Variants in PDZD2 observed in about 807,000 individuals in gnomAD.
PDZD2 encodes PDZ domain-containing protein 2.
PDZD2 carries 90 observed loss-of-function variants against 220.7 expected under a neutral mutation model. The observed-to-expected ratio is 0.41, with a 90% CI of 0.34 to 0.49. The LOEUF (loss-of-function observed/expected upper bound fraction) is 0.49. Among genes scored for constraint, PDZD2 ranks in the 20% least tolerant of loss-of-function variants. The probability of loss-of-function intolerance (pLI) is 0.28; values close to 1 mark genes in which losing one functional copy is unlikely to be tolerated. For missense variants in PDZD2, 3,174 were observed against 3,608.5 expected (o/e 0.88, Z 3.08); for synonymous variants, 1,375 against 1,450.5 (o/e 0.95, Z 1.18).
intron 2 of PDZD2, among the ~76,000 whole-genome samples, chr5:31,956,975 C>T (rs1338630642): frequency 1.3e-5 from 2 of 152,020 alleles, no homozygotes; most frequent in African/African-American, 2.4e-5. Context: ...GCTGTAGCCT[C>T]GAACTCCTGT....
intron 6 of PDZD2, among the ~76,000 whole-genome samples, chr5:32,034,913 A>G (rs1236558023): frequency 6.6e-6 from 1 of 152,132 alleles, no homozygotes; most frequent in African/African-American, 2.4e-5. Flanking sequence ...AATCTCTAAA[A>G]TCACCCTCAA....
At chr5:32,058,820 CCT>C (rs1420664532) in intron 12 of PDZD2, among the ~76,000 whole-genome samples, 16 of 152,270 alleles carry the variant, frequency 1.1e-4, no homozygotes, top group Admixed American at 8.5e-4. Context: ...GCTTTTCATC[CCT>C]GTTTCTTTTT....
intron 10 of PDZD2, among the ~76,000 whole-genome samples, chr5:32,054,334 T>A (rs1025813482): frequency 8.5e-6 from 1 of 117,966 alleles, no homozygotes; most frequent in African/African-American, 3.3e-5. Flanking sequence ...TTTTTTTTTT[T>A]TTTTAATGAG....
chr5:31,803,096 A>AT (rs1754495745), intron 2 of PDZD2, among the ~76,000 whole-genome samples: 1 of 135,446 alleles, frequency 7.4e-6, no homozygotes, highest in Non-Finnish European at 1.5e-5. Context: ...ATTTTATTTT[A>AT]TTTTATTTTT....
intron 1 of PDZD2, among the ~76,000 whole-genome samples, chr5:31,766,005 C>A (rs1751977470): frequency 6.8e-6 from 1 of 147,684 alleles, no homozygotes. Flanking sequence ...ATGGCAAAAC[C>A]CTATCTCTAC....
intron 1 of PDZD2, among the ~76,000 whole-genome samples, chr5:31,654,715 C>T (rs1280269549): frequency 6.6e-6 from 1 of 152,156 alleles, no homozygotes; most frequent in Non-Finnish European, 1.5e-5. Context: ...GGAAGCTACA[C>T]TCATCTCTCA....
chr5:32,014,939 CTTTTT>C (rs746683258), intron 6 of PDZD2, among the ~76,000 whole-genome samples: 1 of 94,020 alleles, frequency 1.1e-5, no homozygotes, highest in Non-Finnish European at 2.1e-5. Context: ...CAATCTCTCT[CTTTTT>C]TTTTTTTTTT....
chr5:31,824,488 T>C (rs1365485233), intron 2 of PDZD2, among the ~76,000 whole-genome samples: 1 of 152,232 alleles, frequency 6.6e-6, no homozygotes, highest in Admixed American at 6.5e-5. Flanking sequence ...TTTTTCTGCA[T>C]AGCCAAATTA....
At position 31,696,857 on chromosome 5, in the gene PDZD2, T is replaced by C. The variant is rs74349865; in HGVS notation, c.-361+57420T>C. On this transcript the variant is annotated intron_variant, in intron 1 of 24. Transcript: ENST00000438447. ...ACGCTGAATGAGCCTCCATCCTATGTTGGAGAGACAGTCATCGTTCAGTTC... is the reference window on the plus strand; with the variant it reads ...ACGCTGAATGAGCCTCCATCCTATGCTGGAGAGACAGTCATCGTTCAGTTC... Among the ~76,000 whole-genome samples, 891 of 152,258 alleles carry C rather than the reference T, an allele frequency of 5.9e-3. 11 individuals are homozygous for C. The highest frequency in any genetic ancestry group is 0.02 in the African/African-American group (844 of 41,552).
At chr5:31,874,413 TGAA>T (rs1453950342) in intron 2 of PDZD2, among the ~76,000 whole-genome samples, 2 of 152,132 alleles carry the variant, frequency 1.3e-5, no homozygotes, top group African/African-American at 2.4e-5. Context: ...TGAAAGTTGA[TGAA>T]GAAATACTAG....
At chr5:31,703,313 C>A (rs1288191725) in intron 1 of PDZD2, among the ~76,000 whole-genome samples, 1 of 152,186 alleles carries the variant, frequency 6.6e-6, no homozygotes, top group Non-Finnish European at 1.5e-5. Context: ...AGAATGAGTT[C>A]ATGCCCTTGG....
At chr5:31,737,957 A>T (rs1174748628) in intron 1 of PDZD2, among the ~76,000 whole-genome samples, 1 of 152,180 alleles carries the variant, frequency 6.6e-6, no homozygotes, top group Non-Finnish European at 1.5e-5. Context: ...AGGCTCAGAG[A>T]TGTGAAGTAA....
In PDZD2 at chr5:31,840,601, C is replaced by G. The variant is rs1393070741; in HGVS notation, c.476+40877C>G. 11 of 716,818 alleles carry G rather than the reference C, an allele frequency of 1.5e-5. No homozygotes were observed. In the Admixed American group the frequency reaches 1.9e-4, roughly 12 times the overall value. The allele number at this position is 716,818 out of a possible 1,614,324, so 44.4% of individuals were successfully genotyped here. ...AGCAGGCTGGCACTTCAGTTGAACC[C>G]AGGTACCTTTCTGATAGGCTTCTTT... is the stretch of plus-strand genomic sequence containing the variant. On this transcript the variant is annotated intron_variant, in intron 2 of 24. Coordinates refer to ENST00000438447, the MANE Select transcript of PDZD2 (RefSeq NM_178140.4).
At chr5:31,826,852 G>T (rs907816156) in intron 2 of PDZD2, among the ~76,000 whole-genome samples, 4 of 152,102 alleles carry the variant, frequency 2.6e-5, no homozygotes, top group Non-Finnish European at 5.9e-5. Flanking sequence ...CACAGATGAG[G>T]AAATATAGGC....
chr5:31,774,144 G>C (rs1202725356), intron 1 of PDZD2, among the ~76,000 whole-genome samples: 1 of 152,096 alleles, frequency 6.6e-6, no homozygotes, highest in African/African-American at 2.4e-5. Context: ...GGCTGAGCTG[G>C]GGCTGTGTCT....
chr5:31,694,905 A>C (rs113243140), intron 1 of PDZD2, among the ~76,000 whole-genome samples: 29,159 of 151,788 alleles, frequency 0.19, 2,792 homozygotes, highest in East Asian at 0.29. Flanking sequence ...GGGCGGATCA[A>C]CTGAGATTAG....
intron 2 of PDZD2, among the ~76,000 whole-genome samples, chr5:31,904,375 C>T (rs1742430041): frequency 6.6e-6 from 1 of 151,962 alleles, no homozygotes; most frequent in Non-Finnish European, 1.5e-5. Flanking sequence ...GAAAATAGAT[C>T]TCTTATCTTC....
chr5:31,901,918 A>C (rs1404159749), intron 2 of PDZD2, among the ~76,000 whole-genome samples: 1 of 152,242 alleles, frequency 6.6e-6, no homozygotes, highest in African/African-American at 2.4e-5. Flanking sequence ...GTTCATACAC[A>C]TGTGACATCT....
intron 6 of PDZD2, among the ~76,000 whole-genome samples, chr5:32,016,555 T>C (rs1186661521): frequency 2.0e-5 from 3 of 152,160 alleles, no homozygotes; most frequent in African/African-American, 7.2e-5. Flanking sequence ...GCTCTGCATC[T>C]ATGGGGAGCG....
Sources: gnomAD v4.1 joint callset for allele counts (sites outside exome capture counted in the v4.1 genomes callset) on GRCh38, gnomAD v4.1.1 for gene constraint, MANE v1.5 for transcripts, NCBI Gene and HGNC (gene_info 2026-07-23, HGNC 2026-07-21) for gene names.